The following PDZRN3 variants were observed in gnomAD, a reference collection of about 807,000 sequenced individuals.
PDZRN3 encodes E3 ubiquitin-protein ligase PDZRN3.
A neutral mutation model predicts 85.7 loss-of-function variants in PDZRN3; 38 were observed. The observed-to-expected ratio is 0.44, with a 90% confidence interval of 0.34 to 0.58. The LOEUF (loss-of-function observed/expected upper bound fraction) is 0.58, where lower values mean the gene tolerates loss of function less well. Among genes scored for constraint, PDZRN3 ranks in the 20% least tolerant of loss-of-function variants. PDZRN3 has a pLI of 0.01. For missense variants in PDZRN3, 1,629 were observed against 1,506.4 expected, an observed-to-expected ratio of 1.08 and a Z score of -1.35; for synonymous variants, 759 against 638.0, an observed-to-expected ratio of 1.19 and a Z score of -2.86.
chr3:73,615,736 T>C (rs1419373021), intron 1 of PDZRN3, among the ~76,000 whole-genome samples: 1 of 152,218 alleles, frequency 6.6e-6, no homozygotes, highest in Non-Finnish European at 1.5e-5. Flanking sequence ...ATTTCTGGTA[T>C]TTTTGTTACA....
intron 3 of PDZRN3, among the ~76,000 whole-genome samples, chr3:73,601,678 C>T (rs1313273385): frequency 2.0e-5 from 3 of 152,132 alleles, no homozygotes; most frequent in Non-Finnish European, 2.9e-5. Context: ...TCAGAGCATC[C>T]TAGAACACTG....
intron 3 of PDZRN3, among the ~76,000 whole-genome samples, chr3:73,601,267 T>C (rs1489640830): frequency 2.0e-5 from 3 of 152,226 alleles, no homozygotes; most frequent in East Asian, 3.9e-4. Context: ...CAGTGAGTGA[T>C]GTGAACTTCA....
chr3:73,603,734 T>C (rs1040282673), intron 2 of PDZRN3, among the ~76,000 whole-genome samples: 1 of 151,942 alleles, frequency 6.6e-6, no homozygotes, highest in African/African-American at 2.4e-5. Flanking sequence ...CAAAAAACAA[T>C]CCCTATATTC....
intron 3 of PDZRN3, among the ~76,000 whole-genome samples, chr3:73,430,433 A>T (rs1702408190): frequency 6.6e-6 from 1 of 152,204 alleles, no homozygotes; most frequent in Admixed American, 6.5e-5. Flanking sequence ...TCAAATTAGA[A>T]AAGGTCACCA....
At chr3:73,602,688 C>G (rs985842639) in intron 2 of PDZRN3, among the ~76,000 whole-genome samples, 1 of 152,206 alleles carries the variant, frequency 6.6e-6, no homozygotes, top group African/African-American at 2.4e-5. Context: ...CCATCTCCAA[C>G]CCATTGTCCT....
intron 3 of PDZRN3, among the ~76,000 whole-genome samples, chr3:73,594,742 C>T (rs935540619): frequency 2.0e-5 from 3 of 152,060 alleles, no homozygotes; most frequent in Non-Finnish European, 2.9e-5. Flanking sequence ...GTAGTAAAGA[C>T]TATTAAGGTA....
At chr3:73,548,029 G>A (rs1478825967) in intron 3 of PDZRN3, among the ~76,000 whole-genome samples, 2 of 152,162 alleles carry the variant, frequency 1.3e-5, no homozygotes, top group East Asian at 1.9e-4. Flanking sequence ...GTTTCAGAAC[G>A]AAGAGGTTGT....
At chr3:73,495,882 T>G (rs1463538363) in intron 3 of PDZRN3, among the ~76,000 whole-genome samples, 1 of 152,160 alleles carries the variant, frequency 6.6e-6, no homozygotes, top group Admixed American at 6.5e-5. Flanking sequence ...TTAAGGAAGG[T>G]TGCCTAATTA....
intron 3 of PDZRN3, among the ~76,000 whole-genome samples, chr3:73,589,687 A>G (rs952953448): frequency 2.6e-5 from 4 of 152,190 alleles, no homozygotes; most frequent in Non-Finnish European, 5.9e-5. Context: ...ACATAATACC[A>G]TCTGCCCAAA....
At chr3:73,425,352 C>T (rs1177818352) in intron 3 of PDZRN3, among the ~76,000 whole-genome samples, 1 of 151,996 alleles carries the variant, frequency 6.6e-6, no homozygotes, top group South Asian at 2.1e-4. Context: ...TAATGATTAT[C>T]CTAGAGGAGT....
intron 3 of PDZRN3, among the ~76,000 whole-genome samples, chr3:73,468,501 C>T (rs1463785879): frequency 6.6e-6 from 1 of 151,146 alleles, no homozygotes; most frequent in Non-Finnish European, 1.5e-5. Flanking sequence ...TGACGAGGTA[C>T]ATGTCTATGG....
chr3:73,456,623 T>C (rs958974209), intron 3 of PDZRN3, among the ~76,000 whole-genome samples: 1 of 152,212 alleles, frequency 6.6e-6, no homozygotes, highest in Non-Finnish European at 1.5e-5. Flanking sequence ...GATAGGACAG[T>C]ACACAGATAT....
At chr3:73,541,597 C>T (rs1272360912) in intron 3 of PDZRN3, among the ~76,000 whole-genome samples, 1 of 152,202 alleles carries the variant, frequency 6.6e-6, no homozygotes, top group Non-Finnish European at 1.5e-5. Context: ...GGCTGGGATT[C>T]TGCTACTTCT....
chr3:73,502,595 G>C (rs1468155981), intron 3 of PDZRN3, among the ~76,000 whole-genome samples: 1 of 152,258 alleles, frequency 6.6e-6, no homozygotes, highest in South Asian at 2.1e-4. Context: ...AGGCTGCGTG[G>C]TCAGAATTCC....
rs142188456 is a variant in PDZRN3 at position 73,473,246 on chromosome 3, AT to A, written c.919-68852del. 7.2e-3 allele frequency among the ~76,000 whole-genome samples: 1,087 copies of A among 151,652 alleles called. 6 individuals are homozygous for A. Among genetic ancestry groups the A allele is most frequent in the Non-Finnish European group, 0.012 (792 of 67,888 alleles). Reference sequence around the variant, plus strand: ...TGACCAAAAACTCTTTCGCAGAAATATTTTTTTTTCTCTTTGTTTTAATGAC... The same window carrying A: ...TGACCAAAAACTCTTTCGCAGAAATATTTTTTTTCTCTTTGTTTTAATGAC... On this transcript the variant is annotated intron_variant, in intron 3 of 9. Coordinates refer to ENST00000263666, the MANE Select transcript of PDZRN3 (RefSeq NM_015009.3).
rs539353680 is a variant in PDZRN3 at position 73,553,040 on chromosome 3, T to C, written c.918+49314A>G. 1.6e-4 allele frequency among the ~76,000 whole-genome samples: 25 copies of C among 152,212 alleles called. 1 individual carries two copies. In the South Asian group the frequency reaches 2.7e-3, roughly 16 times the overall value. ...ATAATTGAAAGAGAGAAAGCTAACA[T>C]ATAAAATGGAATAATTAAAGGTTAA... On this transcript the variant is annotated intron_variant, in intron 3 of 9. Transcript: ENST00000263666.
chr3:73,469,131 T>C (rs1384208647), intron 3 of PDZRN3, among the ~76,000 whole-genome samples: 1 of 151,758 alleles, frequency 6.6e-6, no homozygotes, highest in Non-Finnish European at 1.5e-5. Flanking sequence ...TAGAGTGCAG[T>C]GGCACAATCT....
intron 3 of PDZRN3, among the ~76,000 whole-genome samples, chr3:73,499,910 G>A (rs721852): frequency 6.6e-6 from 1 of 152,146 alleles, no homozygotes; most frequent in Non-Finnish European, 1.5e-5. Flanking sequence ...ACAGAGCCTA[G>A]ACCACAGCTG....
In PDZRN3 at chr3:73,483,793, C is replaced by T. The variant is rs867222361; in HGVS notation, c.919-79398G>A. Among the ~76,000 whole-genome samples, 3 of 152,106 alleles carry T rather than the reference C, an allele frequency of 2.0e-5. No homozygotes were observed. In the South Asian group the frequency reaches 6.2e-4, roughly 32 times the overall value. On this transcript the variant is annotated intron_variant, in intron 3 of 9. Transcript: ENST00000263666. ...TTCCCAGATGTATTTGGGAGGCAGT[C>T]TGGCTGACGTTTGGGTTGGGCAGAG...
Sources: allele counts gnomAD v4.1 joint callset (sites outside exome capture counted in the v4.1 genomes callset), GRCh38; gene constraint gnomAD v4.1.1; transcripts MANE v1.5; gene names NCBI Gene and HGNC (gene_info 2026-07-23, HGNC 2026-07-21).